NRXN3: variants seen among roughly 807,000 people sequenced by gnomAD.
NRXN3 encodes neurexin III.
A neutral mutation model predicts 137.6 loss-of-function variants in NRXN3; 32 were observed. That is an observed-to-expected ratio of 0.23 (90% CI 0.18 to 0.31). The LOEUF is 0.31. NRXN3 is among the 10% of genes least tolerant of loss of function. The pLI is 1.00. For synonymous variants in NRXN3, 798 were observed against 784.5 expected (o/e 1.02, Z -0.29); for missense variants, 1,574 against 2,062.5 (o/e 0.76, Z 4.59).
chr14:78,306,999 T>A (rs1295098852), intron 4 of NRXN3, among the ~76,000 whole-genome samples: 1 of 152,148 alleles, frequency 6.6e-6, no homozygotes. Context: ...TTAAATTAAT[T>A]TTTTTATTTT....
At chr14:79,534,977 C>T (rs185557477) in intron 16 of NRXN3, among the ~76,000 whole-genome samples, 88 of 152,300 alleles carry the variant, frequency 5.8e-4, no homozygotes, top group African/African-American at 1.9e-3. Context: ...AAGTGTACCA[C>T]AACAGGCAAC....
At position 78,496,959 on chromosome 14, in the gene NRXN3, A is replaced by G. The variant is rs568957646; in HGVS notation, c.758-148161A>G. ...CATGTGACTAGCATGAGTTAACTTG[A>G]GTCTTAAGATGCTTGTGTTGGCCTC... On this transcript the variant is annotated intron_variant, in intron 4 of 20. Transcript: ENST00000335750. Among the ~76,000 whole-genome samples the G allele has an allele frequency of 5.9e-5, 9 of 152,150 alleles. No homozygotes were observed. In the East Asian group the frequency reaches 1.8e-3, roughly 30 times the overall value.
At chr14:79,483,393 C>T (rs952474593) in intron 16 of NRXN3, among the ~76,000 whole-genome samples, 3 of 152,158 alleles carry the variant, frequency 2.0e-5, no homozygotes, top group African/African-American at 7.2e-5. Context: ...CCATGAATTG[C>T]TTCTTTGTTA....
chr14:78,304,056 C>T (rs1250360660), intron 4 of NRXN3, among the ~76,000 whole-genome samples: 1 of 152,136 alleles, frequency 6.6e-6, no homozygotes, highest in Non-Finnish European at 1.5e-5. Context: ...ATTAGATTTT[C>T]AACACTGATG....
At chr14:78,679,846 G>T (rs2098054731) in intron 6 of NRXN3, among the ~76,000 whole-genome samples, 1 of 152,166 alleles carries the variant, frequency 6.6e-6, no homozygotes, top group Non-Finnish European at 1.5e-5. Flanking sequence ...TGATCAGGGA[G>T]AAGATATCCT....
intron 16 of NRXN3, among the ~76,000 whole-genome samples, chr14:79,499,875 T>C (rs2096802463): frequency 6.6e-6 from 1 of 152,034 alleles, no homozygotes; most frequent in Non-Finnish European, 1.5e-5. Context: ...CCTTCATCAT[T>C]CTTCACTCAT....
intron 14 of NRXN3, among the ~76,000 whole-genome samples, chr14:78,977,859 G>A (rs895827766): frequency 2.0e-5 from 3 of 152,114 alleles, no homozygotes; most frequent in Admixed American, 6.6e-5. Context: ...GCTATGAGGG[G>A]AGTACTAATA....
intron 10 of NRXN3, among the ~76,000 whole-genome samples, chr14:78,859,309 G>A (rs1460877797): frequency 1.3e-5 from 2 of 152,016 alleles, no homozygotes; most frequent in Non-Finnish European, 2.9e-5. Context: ...CCTTCATAGC[G>A]GTGTGAGAAT....
chr14:78,818,035 ATTTTATAT>A (rs2098939447), intron 10 of NRXN3, among the ~76,000 whole-genome samples: 1 of 152,146 alleles, frequency 6.6e-6, no homozygotes, highest in Admixed American at 6.6e-5. Context: ...CAATGTAGAA[ATTTTATAT>A]TGTTAAATAT....
chr14:79,062,209 G>T (rs1369554443), intron 15 of NRXN3, among the ~76,000 whole-genome samples: 13 of 152,092 alleles, frequency 8.5e-5, no homozygotes, highest in Non-Finnish European at 1.5e-4. Context: ...TCATTGCTTG[G>T]AGCAGCAAGC....
intron 4 of NRXN3, among the ~76,000 whole-genome samples, chr14:78,563,583 C>G (rs1566757408): frequency 6.6e-6 from 1 of 152,188 alleles, no homozygotes. Context: ...TAGTCTTTTA[C>G]TATGTTTCTG....
chr14:78,174,856 T>A (rs2059111945), intron 1 of NRXN3, among the ~76,000 whole-genome samples: 1 of 152,174 alleles, frequency 6.6e-6, no homozygotes. Context: ...GGCTCATGGA[T>A]GACTGGTGGG....
intron 4 of NRXN3, among the ~76,000 whole-genome samples, chr14:78,445,086 G>A (rs529575313): frequency 1.3e-5 from 2 of 152,262 alleles, no homozygotes; most frequent in African/African-American, 2.4e-5. Context: ...TGTGTTTTGC[G>A]AACCAATTAA....
chr14:78,476,188 A>G (rs535677516), intron 4 of NRXN3, among the ~76,000 whole-genome samples: 162 of 152,338 alleles, frequency 1.1e-3, no homozygotes, highest in African/African-American at 3.4e-3. Flanking sequence ...AAGTTTTGTA[A>G]TTTCACAGTG....
chr14:79,133,574 G>A (rs2057846628), intron 15 of NRXN3, among the ~76,000 whole-genome samples: 1 of 152,186 alleles, frequency 6.6e-6, no homozygotes, highest in South Asian at 2.1e-4. Context: ...GATTGTGTAT[G>A]TGTTTGAGTA....
At chr14:78,770,860 A>G (rs149232455) in intron 8 of NRXN3, among the ~76,000 whole-genome samples, 5 of 152,168 alleles carry the variant, frequency 3.3e-5, no homozygotes, top group African/African-American at 1.2e-4. Context: ...TGGGGGGGGT[A>G]CAGCTAAAAG....
chr14:79,116,636 C>T (rs183809454), intron 15 of NRXN3, among the ~76,000 whole-genome samples: 4 of 152,228 alleles, frequency 2.6e-5, no homozygotes, highest in Non-Finnish European at 5.9e-5. Context: ...CTGGACTAAT[C>T]CATACTTATT....
At chr14:79,360,000 G>A (rs2093627904) in intron 15 of NRXN3, among the ~76,000 whole-genome samples, 1 of 152,130 alleles carries the variant, frequency 6.6e-6, no homozygotes, top group African/African-American at 2.4e-5. Flanking sequence ...GGTGGAAACA[G>A]GCATTTGACA....
At chr14:78,741,054 A>C (rs1160654748) in intron 8 of NRXN3, among the ~76,000 whole-genome samples, 2 of 152,146 alleles carry the variant, frequency 1.3e-5, no homozygotes, top group Non-Finnish European at 2.9e-5. Context: ...GGCAAATTTC[A>C]CCCTGGCATG....
Sources: allele counts gnomAD v4.1 joint callset (sites outside exome capture counted in the v4.1 genomes callset), GRCh38; gene constraint gnomAD v4.1.1; transcripts MANE v1.5; gene names NCBI Gene and HGNC (gene_info 2026-07-23, HGNC 2026-07-21).